Variants in XKRX observed in about 807,000 individuals in gnomAD.
The protein encoded by XKRX is XK related X-linked, also known as XK-related protein 2.
A neutral mutation model predicts 22.4 loss-of-function variants in XKRX; 11 were observed. The observed-to-expected ratio is 0.49, with a 90% CI of 0.31 to 0.81. The LOEUF (loss-of-function observed/expected upper bound fraction) is 0.81, where lower values mean the gene tolerates loss of function less well. Among genes scored for constraint, XKRX ranks in the 40% least tolerant of loss-of-function variants. The probability of loss-of-function intolerance (pLI) is 0.05; values close to 1 mark genes in which losing one functional copy is unlikely to be tolerated. For synonymous variants in XKRX, 114 were observed against 132.2 expected (o/e 0.86, Z 0.94); for missense variants, 320 against 336.5 (o/e 0.95, Z 0.38).
At chrX:100,899,109 G>A in the XKRX span, among the ~76,000 whole-genome samples, 1 of 112,385 alleles carries the variant, frequency 8.9e-6, no homozygotes, top group East Asian at 2.8e-4. Flanking sequence ...AAAGAAACAA[G>A]AAAGCATGGC....
At chrX:100,886,982 A>T in the XKRX span, among the ~76,000 whole-genome samples, 1 of 112,668 alleles carries the variant, frequency 8.9e-6, no homozygotes, top group Non-Finnish European at 1.9e-5. Flanking sequence ...CACAAGCTTC[A>T]TTCCCATCTA....
the XKRX span, among the ~76,000 whole-genome samples, chrX:100,887,102 G>T: frequency 1.8e-5 from 2 of 111,363 alleles, no homozygotes; most frequent in African/African-American, 6.5e-5. Flanking sequence ...CCCTTTTAAT[G>T]GTGAACTTCA....
the XKRX span, chrX:100,888,591 C>G: frequency 4.3e-6 from 2 of 466,467 alleles, no homozygotes; most frequent in Admixed American, 3.4e-5. Context: ...GACTTAGACA[C>G]GACGGAAGGG....
At chrX:100,953,834 G>A in the XKRX span, among the ~76,000 whole-genome samples, 3 of 102,776 alleles carry the variant, frequency 2.9e-5, no homozygotes, top group East Asian at 3.1e-4. Context: ...ACTTGAACCC[G>A]GGAGGTGGAG....
At chrX:100,930,319 A>G (rs190111019), upstream of XKRX, among the ~76,000 whole-genome samples, 297 of 80,305 alleles carry the variant, frequency 3.7e-3, 2 homozygotes, top group African/African-American at 0.014. Flanking sequence ...TAATAATAAT[A>G]ATAATAATGA....
chrX:100,953,833 C>T, the XKRX span, among the ~76,000 whole-genome samples: 4 of 102,400 alleles, frequency 3.9e-5, no homozygotes, highest in African/African-American at 1.4e-4. Context: ...CACTTGAACC[C>T]GGGAGGTGGA....
At chrX:100,900,771 C>T in the XKRX span, among the ~76,000 whole-genome samples, 2 of 107,658 alleles carry the variant, frequency 1.9e-5, no homozygotes, top group African/African-American at 3.4e-5. Context: ...ATCCTCGAGA[C>T]CCAGCTTCAC....
chrX:100,904,763 C>T, the XKRX span, among the ~76,000 whole-genome samples: 2 of 111,686 alleles, frequency 1.8e-5, no homozygotes, highest in African/African-American at 6.5e-5. Context: ...GTGAGCCAAT[C>T]CGATGGAGAA....
chrX:100,917,718 G>GAAATAAATAAAT (rs1162920442), intron 2 of XKRX, among the ~76,000 whole-genome samples: 7 of 85,754 alleles, frequency 8.2e-5, no homozygotes, highest in East Asian at 3.4e-4. Context: ...AAGAAAGAAA[G>GAAATAAATAAAT]AAAGAAATCC....
the XKRX span, among the ~76,000 whole-genome samples, chrX:100,890,489 C>T: frequency 2.7e-5 from 3 of 109,732 alleles, no homozygotes; most frequent in African/African-American, 1.0e-4. Flanking sequence ...CTAATACATG[C>T]TCTGATCTTT....
At chrX:100,927,060 C>T (rs1367115599) in intron 1 of XKRX, among the ~76,000 whole-genome samples, 1 of 111,482 alleles carries the variant, frequency 9.0e-6, no homozygotes, top group East Asian at 2.8e-4. Context: ...ATTTACAAAG[C>T]ATCCAAAAGG....
downstream of XKRX, chrX:100,911,300 G>T: frequency 6.6e-6 from 7 of 1,053,940 alleles, no homozygotes; most frequent in Non-Finnish European, 9.3e-6. Flanking sequence ...ACCAATACTT[G>T]GTGTAAAGAA....
upstream of XKRX, chrX:100,929,528 G>A (rs1449943917): frequency 9.0e-6 from 1 of 111,424 alleles, no homozygotes; most frequent in Non-Finnish European, 1.9e-5. Flanking sequence ...CACGCTGTTA[G>A]GCAGGTGTGT....
At chrX:100,930,730 T>G (rs1479021304), upstream of XKRX, among the ~76,000 whole-genome samples, 1 of 111,215 alleles carries the variant, frequency 9.0e-6, no homozygotes, top group Non-Finnish European at 1.9e-5. Flanking sequence ...CAGTATATGG[T>G]GCAGAACCTC....
At chrX:100,899,529 G>T in the XKRX span, among the ~76,000 whole-genome samples, 1 of 112,279 alleles carries the variant, frequency 8.9e-6, no homozygotes, top group Non-Finnish European at 1.9e-5. Context: ...AAGAGAGAGA[G>T]AAATTGAGAA....
chrX:100,910,246 C>A (rs1306082413), downstream of XKRX, among the ~76,000 whole-genome samples: 1 of 110,827 alleles, frequency 9.0e-6, no homozygotes, highest in Non-Finnish European at 1.9e-5. Flanking sequence ...CTCCTCTCCA[C>A]TCAGCAAGAC....
intron 1 of XKRX, among the ~76,000 whole-genome samples, 158 bp downstream of exon 1, chrX:100,927,812 A>G (rs1344764928): frequency 9.0e-6 from 1 of 111,529 alleles, no homozygotes; most frequent in Non-Finnish European, 1.9e-5. Context: ...TTAAGATTTC[A>G]GGTAAGTTTT....
At chrX:100,957,115 C>T in the XKRX span, 3 of 1,157,137 alleles carry the variant, frequency 2.6e-6, no homozygotes, top group Non-Finnish European at 3.5e-6. Context: ...TACAATCCTG[C>T]CATTGTTTAT....
chrX:100,897,964 G>A, the XKRX span, among the ~76,000 whole-genome samples: 1 of 111,186 alleles, frequency 9.0e-6, no homozygotes, highest in Non-Finnish European at 1.9e-5. Context: ...GGGACATCTG[G>A]TTTTGGCTCA....
Sources: allele counts gnomAD v4.1 joint callset (sites outside exome capture counted in the v4.1 genomes callset), GRCh38; gene constraint gnomAD v4.1.1; transcripts MANE v1.5; gene names NCBI Gene and HGNC (gene_info 2026-07-23, HGNC 2026-07-21).